EYS: variants seen among roughly 807,000 people sequenced by gnomAD.
EYS encodes protein eyes shut homolog.
EYS carries 250 observed loss-of-function variants against 282.1 expected under a neutral mutation model. The observed-to-expected ratio is 0.89, with a 90% CI of 0.80 to 0.98. The LOEUF (loss-of-function observed/expected upper bound fraction) is 0.98. Among genes scored for constraint, EYS ranks in the 50% least tolerant of loss-of-function variants. The pLI is 0.00. For synonymous variants in EYS, 1,355 were observed against 1,282.9 expected (o/e 1.06, Z -1.20); for missense variants, 4,016 against 3,709.0 (o/e 1.08, Z -2.15).
At chr6:64,714,977 AAT>A in intron 22 of EYS, among the ~76,000 whole-genome samples, 1 of 152,088 alleles carries the variant, frequency 6.6e-6, no homozygotes. Flanking sequence ...TAGATGTGTT[AAT>A]ATGTAGGTGA....
At chr6:63,944,355 A>G (rs1379436358) in intron 35 of EYS, among the ~76,000 whole-genome samples, 1 of 152,236 alleles carries the variant, frequency 6.6e-6, no homozygotes, top group Non-Finnish European at 1.5e-5. Context: ...TCTCAAACAT[A>G]GAGACTGTTA....
chr6:65,033,146 G>A (rs1772656280), intron 13 of EYS, among the ~76,000 whole-genome samples: 1 of 152,168 alleles, frequency 6.6e-6, no homozygotes, highest in African/African-American at 2.4e-5. Flanking sequence ...ATGTGGCCTT[G>A]CTGCTTCTAA....
At chr6:64,112,021 T>C (rs117661776) in intron 31 of EYS, among the ~76,000 whole-genome samples, 1 of 152,180 alleles carries the variant, frequency 6.6e-6, no homozygotes, top group East Asian at 1.9e-4. Context: ...TGTTATTCCA[T>C]GCAGCTGGTT....
intron 11 of EYS, among the ~76,000 whole-genome samples, chr6:65,318,432 G>A (rs1343002266): frequency 2.7e-5 from 4 of 150,046 alleles, no homozygotes; most frequent in East Asian, 2.0e-4. Context: ...GGTATAGTGC[G>A]TGTGGGAGGA....
intron 19 of EYS, among the ~76,000 whole-genome samples, chr6:64,843,219 T>A (rs1016901560): frequency 1.2e-4 from 19 of 152,202 alleles, no homozygotes; most frequent in Middle Eastern, 6.8e-3. Flanking sequence ...TAGGGCATTG[T>A]GGGAGGGAAA....
intron 13 of EYS, among the ~76,000 whole-genome samples, chr6:65,019,543 T>C (rs1393985405): frequency 1.3e-5 from 2 of 152,184 alleles, no homozygotes; most frequent in African/African-American, 2.4e-5. Flanking sequence ...ACACAACTCA[T>C]AGGTTTGTAG....
At chr6:65,256,528 T>C (rs899152958) in intron 12 of EYS, among the ~76,000 whole-genome samples, 3 of 116,766 alleles carry the variant, frequency 2.6e-5, no homozygotes, top group Non-Finnish European at 5.2e-5. Context: ...TGTTTGGTTT[T>C]TTGTTCTTGC....
intron 12 of EYS, among the ~76,000 whole-genome samples, chr6:65,176,435 T>G (rs73441328): frequency 0.092 from 13,972 of 151,688 alleles, 724 homozygotes; most frequent in African/African-American, 0.14. Context: ...ATTTAGTGAA[T>G]AGTAAAGATT....
intron 22 of EYS, among the ~76,000 whole-genome samples, chr6:64,690,287 C>T (rs1260375854): frequency 1.3e-5 from 2 of 152,132 alleles, no homozygotes; most frequent in Non-Finnish European, 2.9e-5. Context: ...GATACCATCT[C>T]ACACCAGTTA....
chr6:65,330,397 G>T, intron 11 of EYS: 1 of 984,408 alleles, frequency 1.0e-6, no homozygotes, highest in Non-Finnish European at 1.2e-6. Flanking sequence ...CACAGTCTGG[G>T]CATGGTATTA....
chr6:64,102,001 G>A (rs1392767127), intron 31 of EYS, among the ~76,000 whole-genome samples: 3 of 151,980 alleles, frequency 2.0e-5, no homozygotes, highest in African/African-American at 7.2e-5. Flanking sequence ...TGGAGCTCAA[G>A]CAGTAATGAG....
chr6:64,067,681 C>T (rs1191346294), intron 32 of EYS, among the ~76,000 whole-genome samples: 1 of 152,044 alleles, frequency 6.6e-6, no homozygotes, highest in Non-Finnish European at 1.5e-5. Flanking sequence ...TTATCATTGG[C>T]ATGATGTACA....
At chr6:65,216,528 G>A (rs1766318816) in intron 12 of EYS, among the ~76,000 whole-genome samples, 1 of 151,836 alleles carries the variant, frequency 6.6e-6, no homozygotes, top group Admixed American at 6.6e-5. Flanking sequence ...TTGAAACATT[G>A]TGGTGTGAGA....
At chr6:65,311,193 T>C (rs1410980333) in intron 11 of EYS, among the ~76,000 whole-genome samples, 1 of 152,234 alleles carries the variant, frequency 6.6e-6, no homozygotes, top group Non-Finnish European at 1.5e-5. Flanking sequence ...ACAATATTAA[T>C]ATTCTTAGAT....
At chr6:64,713,100 C>T (rs1180135091) in intron 22 of EYS, among the ~76,000 whole-genome samples, 1 of 152,172 alleles carries the variant, frequency 6.6e-6, no homozygotes, top group East Asian at 1.9e-4. Context: ...AAGATAAGTG[C>T]ACCTAATATG....
In EYS at chr6:63,726,700, A is replaced by T; in HGVS notation, c.8072-20T>A. 1 of 1,545,594 alleles carries T rather than the reference A, an allele frequency of 6.5e-7. No individual in the cohort carries two copies. Among genetic ancestry groups the T allele is most frequent in the Non-Finnish European group, 8.8e-7 (1 of 1,142,842 alleles). On this transcript the variant is annotated intron_variant, in intron 41 of 42. Transcript: ENST00000503581. The stretch of plus-strand genomic sequence containing the variant: ...ATAAAGCTGAGGGAAGGAGAGAAAG[A>T]GAACTCTGGGAGTTATCTGCTGGAT...
At chr6:63,816,083 G>A (rs912207662) in intron 36 of EYS, among the ~76,000 whole-genome samples, 1 of 152,096 alleles carries the variant, frequency 6.6e-6, no homozygotes, top group Non-Finnish European at 1.5e-5. Flanking sequence ...ACCACATGAT[G>A]TTTCAAAAGC....
At chr6:64,236,418 T>C (rs6925079) in intron 30 of EYS, among the ~76,000 whole-genome samples, 52,471 of 152,042 alleles carry the variant, frequency 0.35, 9,083 homozygotes, top group East Asian at 0.48. Flanking sequence ...GGATGTATGT[T>C]TCCATTTCTC....
intron 26 of EYS, among the ~76,000 whole-genome samples, chr6:64,556,879 A>T (rs1016608120): frequency 6.6e-5 from 10 of 152,032 alleles, no homozygotes; most frequent in African/African-American, 1.7e-4. Flanking sequence ...GTAGTAAAAT[A>T]GCAGAACCTG....
Sources: gnomAD v4.1 joint callset for allele counts (sites outside exome capture counted in the v4.1 genomes callset) on GRCh38, gnomAD v4.1.1 for gene constraint, MANE v1.5 for transcripts, NCBI Gene and HGNC (gene_info 2026-07-23, HGNC 2026-07-21) for gene names.